Variants in ADCY5 observed in about 807,000 individuals in gnomAD.
The protein encoded by ADCY5 is adenylate cyclase 5, also known as adenylate cyclase type 5.
A neutral mutation model predicts 119.7 loss-of-function variants in ADCY5; 30 were observed. The observed-to-expected ratio is 0.25, with a 90% CI of 0.19 to 0.34. The LOEUF (loss-of-function observed/expected upper bound fraction) is 0.34, where lower values mean the gene tolerates loss of function less well. ADCY5 is among the 10% of genes least tolerant of loss of function. ADCY5 has a pLI of 1.00. For missense variants in ADCY5, 1,324 were observed against 1,775.2 expected (o/e 0.75, Z 4.57); for synonymous variants, 753 against 762.2 (o/e 0.99, Z 0.20).
At chr3:123,379,935 C>T (rs1044583463) in intron 1 of ADCY5, among the ~76,000 whole-genome samples, 2 of 152,128 alleles carry the variant, frequency 1.3e-5, no homozygotes, top group Non-Finnish European at 2.9e-5. Flanking sequence ...AAGGAGAAGC[C>T]AACTCAACCC....
At chr3:123,412,750 G>A (rs1945085609) in intron 1 of ADCY5, among the ~76,000 whole-genome samples, 1 of 151,000 alleles carries the variant, frequency 6.6e-6, no homozygotes, top group Non-Finnish European at 1.5e-5. Flanking sequence ...ACCACAAAAA[G>A]ACATCTGCAG....
chr3:123,408,141 A>G (rs1042147402), intron 1 of ADCY5, among the ~76,000 whole-genome samples: 5 of 152,210 alleles, frequency 3.3e-5, no homozygotes, highest in South Asian at 2.1e-4. Flanking sequence ...AAATCTAGAC[A>G]CCAGTTCCAT....
At chr3:123,307,710 C>A (rs953854150) in intron 12 of ADCY5, among the ~76,000 whole-genome samples, 2 of 152,152 alleles carry the variant, frequency 1.3e-5, no homozygotes, top group Non-Finnish European at 2.9e-5. Context: ...TCTGATCACC[C>A]CATCCACTGA....
chr3:123,426,157 A>C (rs1350263302), intron 1 of ADCY5, among the ~76,000 whole-genome samples: 1 of 152,214 alleles, frequency 6.6e-6, no homozygotes, highest in East Asian at 1.9e-4. Context: ...GGAGGAGAGC[A>C]CTAAAGCCCA....
chr3:123,384,478 G>C (rs917442189), intron 1 of ADCY5, among the ~76,000 whole-genome samples: 10 of 152,152 alleles, frequency 6.6e-5, no homozygotes, highest in Non-Finnish European at 1.3e-4. Flanking sequence ...TGGTATTTTC[G>C]CCACTCCTTG....
chr3:123,406,046 T>G (rs775502679), intron 1 of ADCY5, among the ~76,000 whole-genome samples: 1 of 152,202 alleles, frequency 6.6e-6, no homozygotes, highest in Non-Finnish European at 1.5e-5. Flanking sequence ...ATGACTTGCT[T>G]GTGAGTGCAC....
intron 1 of ADCY5, among the ~76,000 whole-genome samples, chr3:123,424,627 AC>A (rs1945365109): frequency 1.3e-5 from 2 of 151,796 alleles, no homozygotes; most frequent in Middle Eastern, 3.2e-3. Flanking sequence ...GCCTCCTACC[AC>A]CCTTACAGCC....
intron 1 of ADCY5, among the ~76,000 whole-genome samples, chr3:123,398,446 G>A (rs1490643231): frequency 6.6e-6 from 1 of 152,010 alleles, no homozygotes; most frequent in Non-Finnish European, 1.5e-5. Flanking sequence ...GGACAGATCT[G>A]AATAATGTCT....
Position 123,339,389 on chromosome 3 carries a change from G to A in ADCY5, c.1407-6714C>T, listed in dbSNP as rs116754118. Among the ~76,000 whole-genome samples, 1,409 of 152,302 alleles carry A rather than the reference G, an allele frequency of 9.3e-3. 17 individuals carry two copies. The highest frequency in any genetic ancestry group is 0.031 in the African/African-American group (1,307 of 41,560). On this transcript the variant is annotated intron_variant, in intron 3 of 20. Coordinates refer to ENST00000462833, the MANE Select transcript of ADCY5 (RefSeq NM_183357.3). Reference sequence around the variant, plus strand: ...CACTGGGCTGAGGTCAGACACCAGAGGGCTGTTTTCCAAGGAGTGGCACAA... The same window carrying A: ...CACTGGGCTGAGGTCAGACACCAGAAGGCTGTTTTCCAAGGAGTGGCACAA...
rs115112745 is a variant in ADCY5, at chr3:123,378,019, G to A, written c.1135-25438C>T. 3.1e-3 allele frequency among the ~76,000 whole-genome samples: 472 copies of A among 151,926 alleles called. 3 individuals are homozygous for A. Among genetic ancestry groups the A allele is most frequent in the Non-Finnish European group, 5.1e-3 (348 of 67,994 alleles). ...AAACAAAACAATCAAACTGGTATGA[G>A]CTTTGGGCACTCTGCAAAGCTTTAA... On this transcript the variant is annotated intron_variant, in intron 1 of 20. Coordinates refer to ENST00000462833, the MANE Select transcript of ADCY5 (RefSeq NM_183357.3).
Position 123,286,705 on chromosome 3 carries a change from C to T in ADCY5, c.3637G>A (p.Gly1213Ser), listed in dbSNP as rs774848359. 4.3e-6 allele frequency: 7 copies of T among 1,612,562 alleles called. No individual in the cohort carries two copies. Among genetic ancestry groups the T allele is most frequent in the South Asian group, 3.3e-5 (3 of 90,890 alleles). Residue 1213 changes from glycine (G) to serine (S), a missense_variant, in exon 20 of 21, where the codon GGT (glycine) becomes AGT (serine). Physicochemically the swap from Gly to Ser is moderately conservative, Grantham distance 56. Around this residue, in one of 6 missense-constraint regions of ADCY5, gnomAD observed 178 missense variants for 329.6 expected, o/e 0.54. Transcript: ENST00000462833. This position sits in a 1 kb window ranked among gnomAD's most constrained non-coding sequence, Gnocchi z 4.2. ...CTCACCTGGATGCGGTCGGGTACAC[C>T]GGTGCTGTCCATGCGGCTGGCCACG... ...VNVASRMDST[G>S]VPDRIQVTTD...
intron 5 of ADCY5, 95 bp from the exon 6 acceptor site, chr3:123,328,897 G>C: frequency 1.5e-6 from 2 of 1,307,746 alleles, no homozygotes; most frequent in Non-Finnish European, 2.1e-6. Flanking sequence ...TGAAGGTGCG[G>C]GGGTCAAAGA....
chr3:123,430,968 C>T (rs547566955), intron 1 of ADCY5, among the ~76,000 whole-genome samples: 27 of 152,328 alleles, frequency 1.8e-4, no homozygotes, highest in African/African-American at 6.0e-4. Flanking sequence ...CAAGCCCCAT[C>T]CTTTCCTCAC....
At chr3:123,345,777 C>G (rs796509007) in intron 3 of ADCY5, among the ~76,000 whole-genome samples, 2 of 65,728 alleles carry the variant, frequency 3.0e-5, no homozygotes, top group Admixed American at 1.7e-4. Context: ...CAGACACACA[C>G]ACACACACAC....
intron 1 of ADCY5, among the ~76,000 whole-genome samples, chr3:123,424,222 C>T (rs1270324770): frequency 6.6e-6 from 1 of 152,224 alleles, no homozygotes; most frequent in African/African-American, 2.4e-5. Context: ...GCTGGGCACA[C>T]GCTGCCCCTC....
chr3:123,352,735 C>T lies in ADCY5; in HGVS notation c.1135-154G>A, dbSNP rs768983589. 2.7e-4 allele frequency among the ~76,000 whole-genome samples: 41 copies of T among 152,158 alleles called. No individual in the cohort carries two copies. Among genetic ancestry groups the T allele is most frequent in the Non-Finnish European group, 4.1e-4 (28 of 68,030 alleles). On this transcript the variant is annotated intron_variant, in intron 1 of 20. Coordinates refer to ENST00000462833, the MANE Select transcript of ADCY5 (RefSeq NM_183357.3). This position sits in a 1 kb window ranked among gnomAD's most constrained non-coding sequence, Gnocchi z 4.8. Reference sequence around the variant, plus strand: ...CACGCGGCCAACCACTGTGAGCAGCCGAGCATAATCGATCGGGCTCTCTGA... The same window carrying T: ...CACGCGGCCAACCACTGTGAGCAGCTGAGCATAATCGATCGGGCTCTCTGA...
intron 1 of ADCY5, among the ~76,000 whole-genome samples, chr3:123,433,276 A>C (rs1945554354): frequency 6.6e-6 from 1 of 152,174 alleles, no homozygotes; most frequent in Admixed American, 6.6e-5. Context: ...GTCCCTCTGC[A>C]GCCTGCTCAG....
intron 1 of ADCY5, chr3:123,367,788 A>G: frequency 7.1e-7 from 1 of 1,413,488 alleles, no homozygotes; most frequent in Non-Finnish European, 9.4e-7. Context: ...ACTCATGCCC[A>G]CATCTCCTCC....
intron 1 of ADCY5, among the ~76,000 whole-genome samples, chr3:123,405,837 G>C (rs532799133): frequency 9.8e-4 from 149 of 152,226 alleles, no homozygotes; most frequent in Non-Finnish European, 1.7e-3. Context: ...GTTTCACGAT[G>C]TTGGCCAGGC....
Sources: allele counts gnomAD v4.1 joint callset (sites outside exome capture counted in the v4.1 genomes callset), GRCh38; gene constraint gnomAD v4.1.1; regional missense constraint gnomAD v4.1.1; non-coding constraint Gnocchi (gnomAD v3.1); transcripts MANE v1.5; gene names NCBI Gene and HGNC (gene_info 2026-07-23, HGNC 2026-07-21).